PRKN: variants seen among roughly 807,000 people sequenced by gnomAD.
PRKN encodes E3 ubiquitin-protein ligase parkin.
A neutral mutation model predicts 59.5 loss-of-function variants in PRKN; 56 were observed. That is an observed-to-expected ratio of 0.94 (90% CI 0.76 to 1.18). The LOEUF (loss-of-function observed/expected upper bound fraction) is 1.18. Ranked by LOEUF, PRKN falls within the 50% of genes most tolerant of loss-of-function variation. PRKN has a pLI of 0.00. For missense variants in PRKN, 657 were observed against 596.4 expected (o/e 1.10, Z -1.06); for synonymous variants, 250 against 222.1 (o/e 1.13, Z -1.12).
chr6:161,435,202 G>C (rs1211801467), intron 9 of PRKN, among the ~76,000 whole-genome samples: 2 of 152,142 alleles, frequency 1.3e-5, no homozygotes, highest in Non-Finnish European at 2.9e-5. Context: ...AGAAAAAAGA[G>C]AGATGATTTC....
In PRKN at chr6:161,511,983, CT is replaced by C. The variant is rs146860393; in HGVS notation, c.1083+36870del. 3.2e-3 allele frequency among the ~76,000 whole-genome samples: 481 copies of C among 152,334 alleles called. 4 individuals are homozygous for C. The highest frequency in any genetic ancestry group is 0.011 in the African/African-American group (460 of 41,562). On this transcript the variant is annotated intron_variant, in intron 9 of 11. Transcript: ENST00000366898. ...CCAAGGCTCAGGCCCACGTTTCCCC[CT>C]AACACAGACACACATGTGCACACAC...
chr6:161,699,796 A>C (rs959284656), intron 7 of PRKN, among the ~76,000 whole-genome samples: 1 of 152,188 alleles, frequency 6.6e-6, no homozygotes, highest in Admixed American at 6.5e-5. Flanking sequence ...CCTGATGGTG[A>C]GGGTGGTTTC....
intron 7 of PRKN, among the ~76,000 whole-genome samples, chr6:161,666,425 C>A (rs758536705): frequency 1.3e-5 from 2 of 152,172 alleles, no homozygotes; most frequent in Non-Finnish European, 2.9e-5. Context: ...GTTTCATCTG[C>A]AACCACTCCA....
At chr6:162,047,313 C>A (rs1017422966) in intron 5 of PRKN, among the ~76,000 whole-genome samples, 2 of 152,096 alleles carry the variant, frequency 1.3e-5, no homozygotes, top group African/African-American at 4.8e-5. Flanking sequence ...CACAGTGGGA[C>A]CCCTCAAAGC....
At chr6:161,864,435 A>G (rs1237151288) in intron 6 of PRKN, among the ~76,000 whole-genome samples, 1 of 152,092 alleles carries the variant, frequency 6.6e-6, no homozygotes, top group African/African-American at 2.4e-5. Context: ...TCCACTTCTC[A>G]TGCTATTTCT....
chr6:162,164,440 G>A (rs368273090), intron 4 of PRKN, among the ~76,000 whole-genome samples: 2 of 148,372 alleles, frequency 1.3e-5, no homozygotes, highest in Admixed American at 6.7e-5. Context: ...TCGAACTGCC[G>A]ACCTCAGGCA....
At chr6:161,888,376 G>A (rs1341159023) in intron 6 of PRKN, among the ~76,000 whole-genome samples, 8 of 152,024 alleles carry the variant, frequency 5.3e-5, no homozygotes, top group Admixed American at 2.0e-4. Context: ...GTTGTAATGC[G>A]GTACAACCTC....
chr6:162,135,429 C>T (rs1006487694), intron 4 of PRKN, among the ~76,000 whole-genome samples: 1 of 152,174 alleles, frequency 6.6e-6, no homozygotes, highest in Middle Eastern at 3.2e-3. Flanking sequence ...AAATTAGATC[C>T]TAGCTCTTCA....
intron 7 of PRKN, among the ~76,000 whole-genome samples, chr6:161,600,411 A>AT (rs923657172): frequency 6.6e-6 from 1 of 152,006 alleles, no homozygotes; most frequent in Non-Finnish European, 1.5e-5. Flanking sequence ...TCTGATGGTA[A>AT]TTTTTTCAAC....
chr6:162,525,777 G>A (rs1387802256), intron 1 of PRKN, among the ~76,000 whole-genome samples: 1 of 152,194 alleles, frequency 6.6e-6, no homozygotes, highest in Non-Finnish European at 1.5e-5. Flanking sequence ...CCACAAGGTT[G>A]TCAAATGAAT....
rs13211948 is a variant in PRKN, at chr6:161,582,527, C to T, written c.872-13111G>A. On this transcript the variant is annotated intron_variant, in intron 7 of 11. Coordinates refer to ENST00000366898, the MANE Select transcript of PRKN (RefSeq NM_004562.3). The surrounding 1 kb of genome is among the most constrained non-coding windows in gnomAD (Gnocchi z 4.4). ...CTGCAAGCTCCGCCTCCCAGGTTCA[C>T]GCCATTCTCCTGCCTCAGCCTCCCA... Among the ~76,000 whole-genome samples, 472 of 151,480 alleles carry T rather than the reference C, an allele frequency of 3.1e-3. 2 individuals carry two copies. The highest frequency in any genetic ancestry group is 0.011 in the African/African-American group (445 of 41,250).
intron 1 of PRKN, among the ~76,000 whole-genome samples, chr6:162,638,209 T>A (rs879371894): frequency 0.23 from 35,065 of 151,924 alleles, 4,810 homozygotes; most frequent in African/African-American, 0.37. Flanking sequence ...ATTATCCCTA[T>A]GTTTATTACT....
At chr6:161,799,446 T>TC (rs991679306) in intron 6 of PRKN, among the ~76,000 whole-genome samples, 1 of 151,920 alleles carries the variant, frequency 6.6e-6, no homozygotes, top group Non-Finnish European at 1.5e-5. Flanking sequence ...AAACACCATC[T>TC]CCCCCCATCT....
At chr6:161,474,216 G>A (rs1480140428) in intron 9 of PRKN, among the ~76,000 whole-genome samples, 16 of 152,100 alleles carry the variant, frequency 1.1e-4, no homozygotes, top group Admixed American at 9.8e-4. Flanking sequence ...GGAATGAATT[G>A]GCTACTCCAC....
chr6:161,532,169 TA>T (rs1779245605), intron 9 of PRKN, among the ~76,000 whole-genome samples: 3 of 13,586 alleles, frequency 2.2e-4, no homozygotes, highest in Admixed American at 8.7e-4. Context: ...TCTCTCTCTA[TA>T]TATATATATA....
At chr6:161,682,354 G>C (rs1281919688) in intron 7 of PRKN, among the ~76,000 whole-genome samples, 1 of 152,246 alleles carries the variant, frequency 6.6e-6, no homozygotes, top group Non-Finnish European at 1.5e-5. Flanking sequence ...TCAGCCAAGA[G>C]TCAGATTTAA....
chr6:162,363,151 A>C (rs1785240472), intron 2 of PRKN, among the ~76,000 whole-genome samples: 1 of 150,548 alleles, frequency 6.6e-6, no homozygotes, highest in African/African-American at 2.5e-5. Flanking sequence ...AAAAAAAAAA[A>C]AAAAAATTGT....
At chr6:162,511,861 A>G (rs1390519998) in intron 1 of PRKN, among the ~76,000 whole-genome samples, 3 of 152,176 alleles carry the variant, frequency 2.0e-5, no homozygotes, top group Admixed American at 6.6e-5. Context: ...ACATAAAGAG[A>G]TTTTAATTTT....
rs1407697447 is a variant in PRKN, at chr6:161,376,938, C to T, written c.1167+9856G>A. Among the ~76,000 whole-genome samples, 1 of 152,222 alleles carries T rather than the reference C, an allele frequency of 6.6e-6. No homozygotes were observed. Among genetic ancestry groups the T allele is most frequent in the Non-Finnish European group, 1.5e-5 (1 of 68,032 alleles). On this transcript the variant is annotated intron_variant, in intron 10 of 11. Transcript: ENST00000366898. This position sits in a 1 kb window ranked among gnomAD's most constrained non-coding sequence, Gnocchi z 7.3. ...TAAAATGGAGTTAGAGCTGGAATCC[C>T]TCCCGCCAGTGGCCAAAGAGGAGCC...
Sources: gnomAD v4.1 joint callset for allele counts (sites outside exome capture counted in the v4.1 genomes callset) on GRCh38, gnomAD v4.1.1 for gene constraint, Gnocchi (gnomAD v3.1) non-coding constraint, MANE v1.5 for transcripts, NCBI Gene and HGNC (gene_info 2026-07-23, HGNC 2026-07-21) for gene names.